The following THSD7A variants were observed in gnomAD, a reference collection of about 807,000 sequenced individuals.
THSD7A encodes thrombospondin type 1 domain containing 7A.
Under a neutral mutation model 231.3 loss-of-function variants are expected in THSD7A, and 96 were observed. The observed-to-expected ratio is 0.41, with a 90% CI of 0.35 to 0.49. The LOEUF is 0.49. Ranked by LOEUF, THSD7A falls within the 20% of genes least tolerant of loss-of-function variation. The pLI is 0.05. For missense variants in THSD7A, 2,290 were observed against 2,070.2 expected (o/e 1.11, Z -2.06); for synonymous variants, 940 against 743.3 (o/e 1.26, Z -4.30).
chr7:11,484,498 A>G (rs963871681), intron 6 of THSD7A, among the ~76,000 whole-genome samples: 6 of 152,184 alleles, frequency 3.9e-5, no homozygotes, highest in East Asian at 1.9e-4. Flanking sequence ...GTTTATTTTC[A>G]TTATACTTTT....
At position 11,593,483 on chromosome 7, in the gene THSD7A, G is replaced by A. The variant is rs750276433; in HGVS notation, c.1042C>T (p.Leu348Phe). ...ADLSFCQQEK[L>F]PMTFQSCVIT... ...ACACAGGACTGGAAGGTCATTGGAA[G>A]CTTCTCTTGCTGGCAAAAGCTGTAA... The change falls in exon 3 of 28, where the codon CTT (leucine) becomes TTT (phenylalanine). Residue 348 changes from leucine to phenylalanine, a missense_variant. Coordinates refer to ENST00000423059, the MANE Select transcript of THSD7A (RefSeq NM_015204.3). 2 of 1,613,856 alleles carry A rather than the reference G, an allele frequency of 1.2e-6. No individual in the cohort carries two copies. Among genetic ancestry groups the A allele is most frequent in the East Asian group, 2.2e-5 (1 of 44,872 alleles).
At chr7:11,648,415 A>C (rs973516635) in intron 1 of THSD7A, among the ~76,000 whole-genome samples, 1 of 151,984 alleles carries the variant, frequency 6.6e-6, no homozygotes, top group African/African-American at 2.4e-5. Context: ...GAGTCTGGGC[A>C]ATGTGTTTAT....
At position 11,638,463 on chromosome 7, in the gene THSD7A, A is replaced by T. The variant is rs556169051; in HGVS notation, c.191-1502T>A. ...TGTGCCTATCATATTTAATCTAAACATTTAATTTTGCTTAATGAGAAAGAT... is the reference window on the plus strand; with the variant it reads ...TGTGCCTATCATATTTAATCTAAACTTTTAATTTTGCTTAATGAGAAAGAT... On this transcript the variant is annotated intron_variant, in intron 1 of 27. Coordinates refer to ENST00000423059, the MANE Select transcript of THSD7A (RefSeq NM_015204.3). Among the ~76,000 whole-genome samples, 70 of 152,302 alleles carry T rather than the reference A, an allele frequency of 4.6e-4. No homozygotes were observed. The South Asian group carries it at 0.013, about 29-fold the overall frequency.
At chr7:11,715,496 A>G (rs1781105781) in intron 1 of THSD7A, among the ~76,000 whole-genome samples, 1 of 151,536 alleles carries the variant, frequency 6.6e-6, no homozygotes, top group African/African-American at 2.4e-5. Flanking sequence ...AGAAATAGAT[A>G]TATATGAAAC....
Position 11,806,995 on chromosome 7 carries a change from A to AAT in THSD7A, c.190+24760_190+24761dup, listed in dbSNP as rs147542391. 1.1e-3 allele frequency among the ~76,000 whole-genome samples: 168 copies of AAT among 149,708 alleles called. 1 individual carries two copies. The highest frequency in any genetic ancestry group is 0.011 in the East Asian group (56 of 5,110). ...ACTGAAATCAATCTCTCTCTCTCTA[A>AAT]ATATATATATATATATCTCTTTCTT... On this transcript the variant is annotated intron_variant, in intron 1 of 27. Transcript: ENST00000423059.
chr7:11,606,866 T>G (rs190054371), intron 2 of THSD7A, among the ~76,000 whole-genome samples: 9 of 152,214 alleles, frequency 5.9e-5, no homozygotes, highest in Admixed American at 4.6e-4. Context: ...GTCCCAAGAA[T>G]GAAAATGGCT....
intron 11 of THSD7A, among the ~76,000 whole-genome samples, chr7:11,457,826 T>C (rs1785360161): frequency 6.6e-6 from 1 of 152,134 alleles, no homozygotes; most frequent in Admixed American, 6.6e-5. Context: ...TTTTATCCTC[T>C]CTACTTCTTC....
chr7:11,484,349 G>A (rs1404902950), intron 6 of THSD7A, among the ~76,000 whole-genome samples: 2 of 151,968 alleles, frequency 1.3e-5, no homozygotes, highest in Non-Finnish European at 2.9e-5. Context: ...TGTCTCAGCA[G>A]TTTTGCACTT....
At chr7:11,476,306 G>C (rs932116980) in intron 7 of THSD7A, among the ~76,000 whole-genome samples, 15 of 138,682 alleles carry the variant, frequency 1.1e-4, no homozygotes, top group African/African-American at 3.9e-4. Context: ...CAGAAGTCAA[G>C]CCTCTGGAAG....
intron 6 of THSD7A, among the ~76,000 whole-genome samples, chr7:11,530,962 G>C (rs138070009): frequency 0.017 from 2,539 of 152,240 alleles, 73 homozygotes; most frequent in African/African-American, 0.057. Flanking sequence ...AGTGAGCTGA[G>C]ATCGTGCCAC....
At chr7:11,582,530 C>A (rs1193562115) in intron 4 of THSD7A, among the ~76,000 whole-genome samples, 1 of 152,078 alleles carries the variant, frequency 6.6e-6, no homozygotes, top group African/African-American at 2.4e-5. Context: ...AAATTCTTTT[C>A]TCATCTTTAA....
At chr7:11,593,898 G>T (rs546595859) in intron 2 of THSD7A, among the ~76,000 whole-genome samples, 1 of 152,258 alleles carries the variant, frequency 6.6e-6, no homozygotes, top group South Asian at 2.1e-4. Context: ...CTGCGTAAGT[G>T]TGATGGTTAA....
At chr7:11,499,029 C>G (rs938894061) in intron 6 of THSD7A, among the ~76,000 whole-genome samples, 1 of 152,180 alleles carries the variant, frequency 6.6e-6, no homozygotes, top group African/African-American at 2.4e-5. Flanking sequence ...GACAGAGCCT[C>G]CAGGGGCAAA....
chr7:11,462,006 C>T lies in THSD7A; in HGVS notation c.2501+5G>A, dbSNP rs577722370. 2.2e-5 allele frequency: 36 copies of T among 1,612,960 alleles called. No homozygotes were observed. The East Asian group carries it at 6.5e-4, about 29-fold the overall frequency. ...CTCCCTCACGATGCATTTCTCTAAC[C>T]CTACCTGTAGCTTTGGCACGCTTGA... On this transcript the variant is annotated splice_donor_5th_base_variant and intron_variant, in intron 10 of 27. Transcript: ENST00000423059.
intron 1 of THSD7A, among the ~76,000 whole-genome samples, chr7:11,764,878 CTA>C (rs1233135184): frequency 2.6e-5 from 4 of 151,884 alleles, no homozygotes; most frequent in African/African-American, 7.2e-5. Flanking sequence ...TAAGGAAAAA[CTA>C]TGAAAAATTA....
At chr7:11,552,395 T>C (rs1019886472) in intron 4 of THSD7A, among the ~76,000 whole-genome samples, 3 of 152,148 alleles carry the variant, frequency 2.0e-5, no homozygotes, top group African/African-American at 4.8e-5. Flanking sequence ...ATTGTGCTTT[T>C]ACTTCGTGGC....
intron 15 of THSD7A, among the ~76,000 whole-genome samples, chr7:11,426,284 T>C (rs1023115629): frequency 1.3e-5 from 2 of 152,160 alleles, no homozygotes; most frequent in African/African-American, 2.4e-5. Flanking sequence ...CTGAAGTGAA[T>C]ACCCATCAGT....
At chr7:11,592,510 T>C (rs1780205321) in intron 3 of THSD7A, among the ~76,000 whole-genome samples, 1 of 152,222 alleles carries the variant, frequency 6.6e-6, no homozygotes, top group African/African-American at 2.4e-5. Flanking sequence ...TATATTTTAA[T>C]ACTGTCATAC....
chr7:11,748,333 A>G (rs1317065718), intron 1 of THSD7A, among the ~76,000 whole-genome samples: 1 of 152,032 alleles, frequency 6.6e-6, no homozygotes, highest in Non-Finnish European at 1.5e-5. Context: ...TTGTAAATAA[A>G]GAAGGTGACT....
Sources: gnomAD v4.1 joint callset for allele counts (sites outside exome capture counted in the v4.1 genomes callset) on GRCh38, gnomAD v4.1.1 for gene constraint, MANE v1.5 for transcripts, NCBI Gene and HGNC (gene_info 2026-07-23, HGNC 2026-07-21) for gene names.